Variants in PKHD1 observed in about 807,000 individuals in gnomAD.
PKHD1 encodes the protein fibrocystin.
In PKHD1, 291 loss-of-function variants were observed where a neutral mutation model predicts 412.0. The observed-to-expected ratio is 0.71, with a 90% CI of 0.64 to 0.78. The LOEUF (loss-of-function observed/expected upper bound fraction) is 0.78, where lower values mean the gene tolerates loss of function less well. PKHD1 is among the 30% of genes least tolerant of loss of function. The probability of loss-of-function intolerance (pLI) is 0.00; values close to 1 mark genes in which losing one functional copy is unlikely to be tolerated. For synonymous variants in PKHD1, 1,777 were observed against 1,821.5 expected, an observed-to-expected ratio of 0.98 and a Z score of 0.62; for missense variants, 4,825 against 4,950.7, an observed-to-expected ratio of 0.97 and a Z score of 0.76.
intron 60 of PKHD1, among the ~76,000 whole-genome samples, chr6:51,685,271 TTATC>T (rs1490895577): frequency 6.6e-6 from 1 of 152,126 alleles, no homozygotes; most frequent in Non-Finnish European, 1.5e-5. Context: ...CTCGTTATTC[TTATC>T]TTAGGGCATA....
intron 60 of PKHD1, among the ~76,000 whole-genome samples, chr6:51,725,334 G>A (rs553810740): frequency 6.6e-6 from 1 of 152,106 alleles, no homozygotes; most frequent in Non-Finnish European, 1.5e-5. Flanking sequence ...TGTTGCTGTT[G>A]GTATTTTCAT....
intron 36 of PKHD1, among the ~76,000 whole-genome samples, chr6:51,949,326 C>G (rs1789953560): frequency 1.3e-5 from 2 of 152,126 alleles, no homozygotes. Context: ...AAGGAATCAT[C>G]CATTCAAGAT....
intron 52 of PKHD1, among the ~76,000 whole-genome samples, chr6:51,807,225 G>A (rs747396760): frequency 3.3e-5 from 5 of 151,348 alleles, no homozygotes; most frequent in East Asian, 1.9e-4. Flanking sequence ...TCAGGAGCTC[G>A]AGACTAGTCT....
At chr6:51,629,994 CA>C (rs1767734131) in intron 65 of PKHD1, among the ~76,000 whole-genome samples, 1 of 151,978 alleles carries the variant, frequency 6.6e-6, no homozygotes, top group African/African-American at 2.4e-5. Flanking sequence ...ATGTTATTAA[CA>C]AATGTGATCT....
intron 60 of PKHD1, among the ~76,000 whole-genome samples, chr6:51,699,920 A>AGTGTGTATGTGTGTGTGTGT (rs57760395): frequency 0.099 from 13,625 of 137,696 alleles, 1,085 homozygotes; most frequent in East Asian, 0.13. Context: ...ATATATATGG[A>AGTGTGTATGTGTGTGTGTGT]GTGTGTGTGT....
chr6:51,664,011 C>T (rs1773293644), intron 60 of PKHD1, among the ~76,000 whole-genome samples: 1 of 152,110 alleles, frequency 6.6e-6, no homozygotes, highest in Admixed American at 6.6e-5. Context: ...TTTCATACCT[C>T]CATTCCTTAT....
At chr6:52,073,434 G>C (rs1258614468) in intron 7 of PKHD1, 29 bp downstream of exon 7, 2 of 1,431,724 alleles carry the variant, frequency 1.4e-6, no homozygotes, top group Non-Finnish European at 2.0e-6. Context: ...TATGTAACTA[G>C]TTAAACACAA....
intron 36 of PKHD1, among the ~76,000 whole-genome samples, chr6:51,951,230 T>C (rs1485374727): frequency 6.6e-6 from 1 of 152,158 alleles, no homozygotes; most frequent in Non-Finnish European, 1.5e-5. Context: ...TCAACAAAGC[T>C]TCTAGCATTT....
intron 50 of PKHD1, among the ~76,000 whole-genome samples, chr6:51,837,651 G>T (rs1769468793): frequency 6.6e-6 from 1 of 152,086 alleles, no homozygotes; most frequent in Non-Finnish European, 1.5e-5. Context: ...AGGTTGCAGT[G>T]AGCCAAGATC....
intron 58 of PKHD1, among the ~76,000 whole-genome samples, chr6:51,747,106 G>A (rs962514256): frequency 1.3e-5 from 2 of 152,098 alleles, no homozygotes; most frequent in African/African-American, 2.4e-5. Context: ...ATTTCAATAC[G>A]TTAAACCTTT....
At chr6:51,900,738 T>C (rs1434938065) in intron 43 of PKHD1, among the ~76,000 whole-genome samples, 26 of 151,286 alleles carry the variant, frequency 1.7e-4, no homozygotes, top group African/African-American at 6.1e-4. Flanking sequence ...ACAGGCAACC[T>C]ACAAAATGGG....
chr6:51,660,107 T>C, intron 60 of PKHD1, 138 bp from the exon 61 acceptor site: 2 of 572,584 alleles, frequency 3.5e-6, no homozygotes, highest in Non-Finnish European at 6.0e-6. Flanking sequence ...ATACTGAGAG[T>C]GCAAGGAAGA....
At chr6:52,043,480 A>C (rs1460199524) in intron 26 of PKHD1, 145 bp downstream of exon 26, 2 of 711,258 alleles carry the variant, frequency 2.8e-6, no homozygotes, top group Non-Finnish European at 5.0e-6. Context: ...ATGGACCAAA[A>C]AATACACTTT....
intron 35 of PKHD1, among the ~76,000 whole-genome samples, chr6:51,972,072 T>C (rs1428593073): frequency 6.6e-6 from 1 of 152,140 alleles, no homozygotes; most frequent in Non-Finnish European, 1.5e-5. Context: ...TCTGACTCTA[T>C]GTCTGAGAAT....
At chr6:51,664,930 TTAAA>T (rs1292730659) in intron 60 of PKHD1, among the ~76,000 whole-genome samples, 1 of 152,120 alleles carries the variant, frequency 6.6e-6, no homozygotes, top group Non-Finnish European at 1.5e-5. Flanking sequence ...ATCTTCTTAT[TTAAA>T]TAAAGAGTTT....
rs144365187 is a variant in PKHD1, at chr6:52,028,343, T to C, written c.3373A>G (p.Thr1125Ala). ...RNISNIAGGETLVIGVARLMN... is the reference protein window; with the variant it reads ...RNISNIAGGEALVIGVARLMN... ...AGCCTCGCCACTCCAATGACCAGGG[T>C]CTCACCGCCTGTGTTGAGAAGAATC... is the stretch of plus-strand genomic sequence containing the variant. The change falls in exon 30 of 67, where the codon ACC (threonine) becomes GCC (alanine). Residue 1125 changes from threonine (T) to alanine (A), a missense_variant. Coordinates refer to ENST00000371117, the MANE Select transcript of PKHD1 (RefSeq NM_138694.4). The C allele has an allele frequency of 2.5e-6, 4 of 1,613,474 alleles. No individual in the cohort carries two copies. The highest frequency in any genetic ancestry group is 1.7e-5 in the Admixed American group (1 of 60,026).
intron 35 of PKHD1, among the ~76,000 whole-genome samples, chr6:52,007,848 A>C (rs1466512443): frequency 6.6e-6 from 1 of 152,168 alleles, no homozygotes; most frequent in Non-Finnish European, 1.5e-5. Context: ...AACTTCCACC[A>C]TATTGATCCA....
intron 36 of PKHD1, among the ~76,000 whole-genome samples, chr6:51,948,008 G>C (rs1252880236): frequency 1.3e-5 from 2 of 151,972 alleles, no homozygotes; most frequent in African/African-American, 2.4e-5. Context: ...AACTTTCACT[G>C]TCTCTCACTC....
At chr6:51,855,817 A>C (rs1773202721) in intron 49 of PKHD1, 76 bp downstream of exon 49, 3 of 1,148,468 alleles carry the variant, frequency 2.6e-6, no homozygotes, top group Admixed American at 3.4e-5. Context: ...CTCCTCTTTC[A>C]ACCCATTATC....
Sources: gnomAD v4.1 joint callset for allele counts (sites outside exome capture counted in the v4.1 genomes callset) on GRCh38, gnomAD v4.1.1 for gene constraint, MANE v1.5 for transcripts, NCBI Gene and HGNC (gene_info 2026-07-23, HGNC 2026-07-21) for gene names.